MYRIP: variants seen among roughly 807,000 people sequenced by gnomAD.
The protein encoded by MYRIP is myosin VIIA and Rab interacting protein, also known as rab effector MyRIP.
Under a neutral mutation model 98.0 loss-of-function variants are expected in MYRIP, and 49 were observed. The observed-to-expected ratio is 0.50, with a 90% CI of 0.40 to 0.63. The LOEUF (loss-of-function observed/expected upper bound fraction) is 0.63. MYRIP is among the 30% of genes least tolerant of loss of function. The probability of loss-of-function intolerance (pLI) is 0.00; values close to 1 mark genes in which losing one functional copy is unlikely to be tolerated. For synonymous variants in MYRIP, 404 were observed against 409.5 expected, an observed-to-expected ratio of 0.99 and a Z score of 0.16; for missense variants, 1,004 against 1,058.2, an observed-to-expected ratio of 0.95 and a Z score of 0.71.
chr3:40,149,427 A>G (rs1365175370), intron 3 of MYRIP, among the ~76,000 whole-genome samples: 1 of 152,210 alleles, frequency 6.6e-6, no homozygotes, highest in Non-Finnish European at 1.5e-5. Context: ...ACATTTTAAC[A>G]TGAGATTTGC....
chr3:40,090,808 GA>G (rs1008844217), intron 3 of MYRIP, among the ~76,000 whole-genome samples: 40 of 152,284 alleles, frequency 2.6e-4, no homozygotes, highest in African/African-American at 9.4e-4. Context: ...TATGTTTCCT[GA>G]ATGGGTATCG....
intron 1 of MYRIP, among the ~76,000 whole-genome samples, chr3:39,872,606 C>G (rs918217265): frequency 6.6e-6 from 1 of 150,510 alleles, no homozygotes; most frequent in African/African-American, 2.4e-5. Flanking sequence ...TTTGTCCTTG[C>G]GATAGTTTAC....
At chr3:40,136,708 C>T (rs1319977782) in intron 3 of MYRIP, among the ~76,000 whole-genome samples, 2 of 152,142 alleles carry the variant, frequency 1.3e-5, no homozygotes, top group African/African-American at 2.4e-5. Flanking sequence ...TGCAATCAAA[C>T]TAGAACTCAG....
At chr3:40,188,479 G>GAAAAA (rs35216480) in intron 9 of MYRIP, among the ~76,000 whole-genome samples, 5 of 137,654 alleles carry the variant, frequency 3.6e-5, no homozygotes, top group African/African-American at 1.3e-4. Context: ...TGGTTAAAAG[G>GAAAAA]AAAAAAAAAA....
intron 2 of MYRIP, among the ~76,000 whole-genome samples, chr3:39,984,003 G>A (rs1422060284): frequency 6.6e-6 from 1 of 152,068 alleles, no homozygotes; most frequent in African/African-American, 2.4e-5. Flanking sequence ...TTGGTGCCCA[G>A]TGAAAGCATT....
At chr3:39,986,541 C>T (rs1293101717) in intron 2 of MYRIP, among the ~76,000 whole-genome samples, 1 of 152,198 alleles carries the variant, frequency 6.6e-6, no homozygotes, top group South Asian at 2.1e-4. Flanking sequence ...TAAAGTCTTG[C>T]TCTGACACCT....
rs182589207 is a variant in MYRIP, at chr3:39,865,682, G to A, written c.-30-35105G>A. Among the ~76,000 whole-genome samples, 13 of 152,220 alleles carry A rather than the reference G, an allele frequency of 8.5e-5. No homozygotes were observed. The East Asian group carries it at 2.5e-3, about 29-fold the overall frequency. On this transcript the variant is annotated intron_variant, in intron 1 of 16. Transcript: ENST00000302541. ...AAAATGTCAAAAAATAATAAATGCT[G>A]GTCAGGTTGCAGAGCAAGGGGAACA...
At chr3:40,006,274 G>A (rs1299646622) in intron 2 of MYRIP, among the ~76,000 whole-genome samples, 1 of 152,094 alleles carries the variant, frequency 6.6e-6, no homozygotes, top group African/African-American at 2.4e-5. Context: ...GAAAATAGAA[G>A]GAGAGAGGGA....
intron 1 of MYRIP, among the ~76,000 whole-genome samples, chr3:39,873,019 T>C (rs1221332461): frequency 6.6e-6 from 1 of 152,244 alleles, no homozygotes; most frequent in Non-Finnish European, 1.5e-5. Flanking sequence ...GACTTTTTAA[T>C]GATTGCCATC....
intron 2 of MYRIP, among the ~76,000 whole-genome samples, chr3:40,036,826 G>A (rs1316347119): frequency 6.6e-6 from 1 of 152,038 alleles, no homozygotes; most frequent in Non-Finnish European, 1.5e-5. Flanking sequence ...CATAATTTTT[G>A]CAATTACAAA....
chr3:39,888,120 T>G (rs1323929256), intron 1 of MYRIP, among the ~76,000 whole-genome samples: 7 of 152,112 alleles, frequency 4.6e-5, no homozygotes, highest in East Asian at 3.9e-4. Context: ...AATTTACAGA[T>G]TCAATGCCAT....
At chr3:39,835,957 T>G (rs1161994119) in intron 1 of MYRIP, among the ~76,000 whole-genome samples, 1 of 152,236 alleles carries the variant, frequency 6.6e-6, no homozygotes, top group Admixed American at 6.5e-5. Context: ...TATTCCATGA[T>G]GTATATGTGC....
At chr3:40,148,857 C>T (rs1474614865) in intron 3 of MYRIP, among the ~76,000 whole-genome samples, 1 of 152,156 alleles carries the variant, frequency 6.6e-6, no homozygotes, top group Non-Finnish European at 1.5e-5. Context: ...CAACATGGGC[C>T]TCCTCTGCCA....
At chr3:40,095,758 T>C (rs544717922) in intron 3 of MYRIP, among the ~76,000 whole-genome samples, 1 of 151,384 alleles carries the variant, frequency 6.6e-6, no homozygotes, top group African/African-American at 2.4e-5. Flanking sequence ...TCCTCCCTCT[T>C]TCCCTTTCCC....
intron 3 of MYRIP, among the ~76,000 whole-genome samples, chr3:40,136,224 G>A (rs1949762753): frequency 6.6e-6 from 1 of 152,038 alleles, no homozygotes; most frequent in Non-Finnish European, 1.5e-5. Flanking sequence ...AAAAGGCAGG[G>A]GTTGCAATCC....
In MYRIP at chr3:40,170,041, A is replaced by G; in HGVS notation, c.821A>G (p.Asp274Gly). The G allele has an allele frequency of 6.2e-6, 10 of 1,614,236 alleles. No homozygotes were observed. Among genetic ancestry groups the G allele is most frequent in the Non-Finnish European group, 8.5e-6 (10 of 1,180,044 alleles). ...HPQSCSTKVA[D>G]EGTSASPGGY... is the part of the protein sequence containing the mutation. ...CAGAGTTGCAGCACAAAGGTGGCAGATGAGGGGACCTCAGCATCCCCTGGA... is the reference window on the plus strand; with the variant it reads ...CAGAGTTGCAGCACAAAGGTGGCAGGTGAGGGGACCTCAGCATCCCCTGGA... Residue 274 changes from aspartate (D) to glycine (G), a missense_variant, in exon 8 of 17, where the codon GAT (aspartate) becomes GGT (glycine). This residue lies in a region of MYRIP where 880 missense variants were observed against 907.7 expected (regional missense o/e 0.97). Transcript: ENST00000302541.
At chr3:39,970,169 A>C (rs1289415885) in intron 2 of MYRIP, 1 of 152,082 alleles carries the variant, frequency 6.6e-6, no homozygotes, top group Admixed American at 6.6e-5. Flanking sequence ...GGTTTATCTG[A>C]AGCACAATTA....
intron 2 of MYRIP, among the ~76,000 whole-genome samples, chr3:39,961,447 A>G (rs1343857811): frequency 6.6e-6 from 1 of 152,138 alleles, no homozygotes; most frequent in Admixed American, 6.6e-5. Flanking sequence ...GAAGAGATCA[A>G]CTCATGTTAC....
intron 2 of MYRIP, among the ~76,000 whole-genome samples, chr3:40,014,015 A>G (rs1946812351): frequency 6.6e-6 from 1 of 152,258 alleles, no homozygotes; most frequent in Admixed American, 6.5e-5. Context: ...ATTCATAAGC[A>G]TAACTCCATT....
Sources: allele counts gnomAD v4.1 joint callset (sites outside exome capture counted in the v4.1 genomes callset), GRCh38; gene constraint gnomAD v4.1.1; regional missense constraint gnomAD v4.1.1; transcripts MANE v1.5; gene names NCBI Gene and HGNC (gene_info 2026-07-23, HGNC 2026-07-21).